The following OSMR variants were observed in gnomAD, a reference collection of about 807,000 sequenced individuals.
OSMR encodes oncostatin-M-specific receptor subunit beta.
OSMR carries 81 observed loss-of-function variants against 99.9 expected under a neutral mutation model. The ratio of observed to expected loss-of-function variants is 0.81; its 90% CI spans 0.68 to 0.97. The LOEUF is 0.97. Ranked by LOEUF, OSMR falls within the 50% of genes least tolerant of loss-of-function variation. OSMR has a pLI of 0.00. For missense variants in OSMR, 1,099 were observed against 1,153.4 expected, an observed-to-expected ratio of 0.95 and a Z score of 0.68; for synonymous variants, 406 against 410.4, an observed-to-expected ratio of 0.99 and a Z score of 0.13.
chr5:38,908,810 C>T (rs1745400450), intron 9 of OSMR, among the ~76,000 whole-genome samples: 1 of 152,194 alleles, frequency 6.6e-6, no homozygotes, highest in Non-Finnish European at 1.5e-5. Context: ...AAAGGAACAT[C>T]AGCCCACACA....
intron 3 of OSMR, among the ~76,000 whole-genome samples, chr5:38,877,956 G>A (rs1188863380): frequency 2.0e-5 from 3 of 152,112 alleles, no homozygotes; most frequent in Non-Finnish European, 4.4e-5. Context: ...ATCTTCTAGG[G>A]CTCAAGACCC....
rs755116094 is a variant in OSMR, at chr5:38,904,359, G to C, written c.1141G>C (p.Val381Leu). The change falls in exon 9 of 18, where the codon GTT becomes CTT. Residue 381 changes from valine (V) to leucine (L), a missense_variant. Transcript: ENST00000274276. ...CTCTTTTTTGATCAAGCAGTACAAT[G>C]TTTCCATCAAGGTGAACGGTGAGTA... is the stretch of plus-strand genomic sequence containing the variant. ...HGEGKMMQYN[V>L]SIKVNGEYFL... The C allele has an allele frequency of 2.5e-6, 4 of 1,613,894 alleles. No homozygotes were observed. Among genetic ancestry groups the C allele is most frequent in the Non-Finnish European group, 3.4e-6 (4 of 1,179,876 alleles).
At chr5:38,921,523 A>G (rs1746232792) in intron 11 of OSMR, 92 bp from the exon 12 acceptor site, 1 of 1,591,282 alleles carries the variant, frequency 6.3e-7, no homozygotes, top group Non-Finnish European at 8.6e-7. Context: ...TACTAGATAC[A>G]GTGCATGTAT....
intron 11 of OSMR, 26 bp downstream of exon 11, chr5:38,919,088 T>C (rs777152937): frequency 1.2e-5 from 20 of 1,612,264 alleles, no homozygotes; most frequent in South Asian, 4.4e-5. Context: ...TTTTCTTTTG[T>C]TTTTATTCTC....
intron 9 of OSMR, among the ~76,000 whole-genome samples, chr5:38,907,891 C>A (rs1039661311): frequency 6.6e-6 from 1 of 152,192 alleles, no homozygotes; most frequent in African/African-American, 2.4e-5. Flanking sequence ...GTGCACATAT[C>A]CCACTGCTGC....
At chr5:38,942,384 G>T (rs895737710) in intron 1 of OSMR, 41 of 1,566,550 alleles carry the variant, frequency 2.6e-5, no homozygotes, top group Non-Finnish European at 3.5e-5. Flanking sequence ...TGCATCTAGG[G>T]AAAAAATGGT....
rs1745055917 is a variant in OSMR, at chr5:38,903,962, A to G, written c.1072A>G (p.Ile358Val). The change falls in exon 8 of 18, where the codon ATA becomes GTA. Residue 358 changes from isoleucine (I) to valine (V), a missense_variant. By Grantham distance (29) the Ile-to-Val change is conservative. Coordinates refer to ENST00000274276, the MANE Select transcript of OSMR (RefSeq NM_003999.3). The stretch of plus-strand genomic sequence containing the variant: ...CATCATGACCTGGAAGGTGCACTCC[A>G]TAAGGAATAATTTCACATATTTGTG... ...NAIMTWKVHSIRNNFTYLCQI... is the reference protein window; with the variant it reads ...NAIMTWKVHSVRNNFTYLCQI... The G allele has an allele frequency of 6.2e-7, 1 of 1,613,946 alleles. No individual in the cohort carries two copies. The highest frequency in any genetic ancestry group is 8.5e-7 in the Non-Finnish European group (1 of 1,179,976).
rs1743730577 is a variant in OSMR at position 38,886,074 on chromosome 5, A to G, written c.875A>G (p.Asn292Ser). Reference protein sequence around the residue: ...SGEKKLCTHKNWCNWQITQDS... With the variant: ...SGEKKLCTHKSWCNWQITQDS... ...GAAAAGAAACTTTGTACACACAAAA[A>G]CTGGTGTAATTGGCAAATAACTCAA... is the stretch of plus-strand genomic sequence containing the variant. Residue 292 changes from asparagine to serine, a missense_variant, in exon 7 of 18, where the codon AAC becomes AGC. Asn to Ser is a conservative substitution (Grantham distance 46). Transcript: ENST00000274276. 6.2e-7 allele frequency: 1 copy of G among 1,613,768 alleles called. No individual in the cohort carries two copies. Among genetic ancestry groups the G allele is most frequent in the South Asian group, 1.1e-5 (1 of 90,894 alleles).
In OSMR at chr5:38,878,708, C is replaced by T. The variant is rs114447269; in HGVS notation, c.246+2335C>T. Among the ~76,000 whole-genome samples, 1,045 of 152,202 alleles carry T rather than the reference C, an allele frequency of 6.9e-3. 20 individuals are homozygous for T. The highest frequency in any genetic ancestry group is 0.024 in the African/African-American group (1,006 of 41,516). ...TGATGTCTGCAAGGATCAAATTAAACCTGCCACTTCAATAAATGAAATGAC... is the reference window on the plus strand; with the variant it reads ...TGATGTCTGCAAGGATCAAATTAAATCTGCCACTTCAATAAATGAAATGAC... On this transcript the variant is annotated intron_variant, in intron 3 of 17. Transcript: ENST00000274276.
chr5:38,941,550 T>A (rs1220100304), intron 1 of OSMR: 1 of 230,960 alleles, frequency 4.3e-6, no homozygotes, highest in Non-Finnish European at 8.6e-6. Context: ...GAAATATTTT[T>A]AATTAAAATA....
At chr5:38,898,820 A>G (rs969807227) in intron 7 of OSMR, among the ~76,000 whole-genome samples, 7 of 151,952 alleles carry the variant, frequency 4.6e-5, no homozygotes, top group Admixed American at 2.6e-4. Flanking sequence ...TGCAAATACT[A>G]TCTTATAACT....
intron 1 of OSMR, among the ~76,000 whole-genome samples, chr5:38,860,768 G>A (rs766580311): frequency 4.6e-5 from 7 of 152,172 alleles, no homozygotes; most frequent in Non-Finnish European, 8.8e-5. Context: ...CGCCTCCTGG[G>A]TTCAAGTGAT....
chr5:38,866,872 A>T (rs954191184), intron 1 of OSMR, among the ~76,000 whole-genome samples: 3 of 152,140 alleles, frequency 2.0e-5, no homozygotes, highest in African/African-American at 7.2e-5. Flanking sequence ...AATATGAACC[A>T]CTGGGGATCT....
downstream of OSMR, chr5:38,940,143 C>CAAAAAAAAAAAAAAAAA (rs68031684): frequency 5.6e-6 from 1 of 178,676 alleles, no homozygotes; most frequent in African/African-American, 2.7e-5. Context: ...AAAAAAAAAA[C>CAAAAAAAAAAAAAAAAA]AAAAAAAAAA....
rs772590517 is a variant in OSMR at position 38,903,929 on chromosome 5, A to G, written c.1039A>G (p.Thr347Ala). 1.9e-6 allele frequency: 3 copies of G among 1,613,804 alleles called. No homozygotes were observed. The highest frequency in any genetic ancestry group is 1.7e-5 in the Admixed American group (1 of 60,012). ...FSVNFENVNA[T>A]NAIMTWKVHS... is the part of the protein sequence containing the mutation. ...TGTCAACTTTGAAAATGTAAATGCC[A>G]CAAATGCCATCATGACCTGGAAGGT... The change falls in exon 8 of 18, where the codon ACA (threonine) becomes GCA (alanine). Residue 347 changes from threonine to alanine, a missense_variant. Transcript: ENST00000274276.
intron 7 of OSMR, among the ~76,000 whole-genome samples, chr5:38,892,826 T>C (rs1744245670): frequency 6.6e-6 from 1 of 151,984 alleles, no homozygotes; most frequent in African/African-American, 2.4e-5. Context: ...ACAACTCAAG[T>C]TCCTGCCTAT....
chr5:38,878,074 C>G (rs546252332), intron 3 of OSMR, among the ~76,000 whole-genome samples: 81 of 152,186 alleles, frequency 5.3e-4, no homozygotes, highest in African/African-American at 1.9e-3. Context: ...TTGTGTTGCT[C>G]CAGGTGACAG....
rs1746939665 is a variant in OSMR at position 38,934,782 on chromosome 5, G to A, written c.*1338G>A. The A allele has an allele frequency of 6.6e-6, 1 of 152,168 alleles. No homozygotes were observed. The highest frequency in any genetic ancestry group is 2.4e-5 in the African/African-American group (1 of 41,428). The allele number at this position is 152,168 out of a possible 1,614,324, so 9.4% of individuals were successfully genotyped here. A position where few individuals can be genotyped will look rare whatever the true frequency, so the allele number is the denominator to read the frequency against. ...AGCTTCCCCAAGGGCTGGGATTACAGGTGTGAGCCACCATGCCCAGCCTAT... is the reference window on the plus strand; with the variant it reads ...AGCTTCCCCAAGGGCTGGGATTACAAGTGTGAGCCACCATGCCCAGCCTAT... On this transcript the variant is annotated 3_prime_UTR_variant, in exon 18 of 18. Coordinates refer to ENST00000274276, the MANE Select transcript of OSMR (RefSeq NM_003999.3).
chr5:38,855,361 A>G (rs1336690657), intron 1 of OSMR, among the ~76,000 whole-genome samples: 1 of 152,168 alleles, frequency 6.6e-6, no homozygotes, highest in African/African-American at 2.4e-5. Context: ...CCAGACCTTC[A>G]AACTGTGTAT....
Sources: gnomAD v4.1 joint callset for allele counts (sites outside exome capture counted in the v4.1 genomes callset) on GRCh38, gnomAD v4.1.1 for gene constraint, MANE v1.5 for transcripts, NCBI Gene and HGNC (gene_info 2026-07-23, HGNC 2026-07-21) for gene names.